The following BICC1 variants were observed in gnomAD, a reference collection of about 807,000 sequenced individuals.
The protein encoded by BICC1 is BicC family RNA binding protein 1, also known as protein bicaudal C homolog 1.
BICC1 carries 43 observed loss-of-function variants against 111.0 expected under a neutral mutation model. That is an observed-to-expected ratio of 0.39 (90% CI 0.30 to 0.50). The LOEUF is 0.50. Ranked by LOEUF, BICC1 falls within the 20% of genes least tolerant of loss-of-function variation. BICC1 has a pLI of 0.88. For synonymous variants in BICC1, 467 were observed against 434.4 expected, an observed-to-expected ratio of 1.07 and a Z score of -0.93; for missense variants, 1,091 against 1,203.2, an observed-to-expected ratio of 0.91 and a Z score of 1.38.
At chr10:58,806,429 A>T (rs1383551345) in intron 15 of BICC1, among the ~76,000 whole-genome samples, 155 bp from the exon 16 acceptor site, 3 of 152,164 alleles carry the variant, frequency 2.0e-5, no homozygotes, top group African/African-American at 7.2e-5. Flanking sequence ...ACTTACAGAC[A>T]TACCTTGGAT....
intron 3 of BICC1, among the ~76,000 whole-genome samples, chr10:58,731,013 C>G (rs1445209898): frequency 6.6e-6 from 1 of 152,196 alleles, no homozygotes; most frequent in Non-Finnish European, 1.5e-5. Context: ...TTATGTTGTG[C>G]TTCCCTTTTA....
At chr10:58,625,313 G>A (rs1451336028) in intron 2 of BICC1, among the ~76,000 whole-genome samples, 2 of 152,136 alleles carry the variant, frequency 1.3e-5, no homozygotes, top group Non-Finnish European at 2.9e-5. Flanking sequence ...TCTTGGAGGG[G>A]AAAATGGGTT....
intron 9 of BICC1, among the ~76,000 whole-genome samples, chr10:58,795,574 C>T (rs1034928291): frequency 2.0e-5 from 3 of 151,960 alleles, no homozygotes; most frequent in African/African-American, 7.3e-5. Context: ...CAGAGCCTTG[C>T]AGCATCCCAG....
intron 3 of BICC1, among the ~76,000 whole-genome samples, chr10:58,728,899 T>A (rs559827304): frequency 6.6e-4 from 101 of 152,278 alleles, no homozygotes; most frequent in African/African-American, 2.4e-3. Flanking sequence ...AGGAATCTTT[T>A]TTTTCTGAGC....
chr10:58,806,453 T>C (rs1489410219), intron 15 of BICC1, 131 bp from the exon 16 acceptor site: 2 of 744,764 alleles, frequency 2.7e-6, no homozygotes, highest in Non-Finnish European at 4.7e-6. Flanking sequence ...TGTGGCATTA[T>C]TGTGCAAAGC....
intron 3 of BICC1, among the ~76,000 whole-genome samples, chr10:58,742,539 G>A (rs1006644552): frequency 1.3e-5 from 2 of 148,460 alleles, no homozygotes; most frequent in Non-Finnish European, 3.0e-5. Context: ...TTGGGGTCAA[G>A]CAGCTCTCCT....
intron 3 of BICC1, among the ~76,000 whole-genome samples, chr10:58,744,185 C>A (rs756016450): frequency 6.6e-6 from 1 of 151,912 alleles, no homozygotes; most frequent in African/African-American, 2.4e-5. Context: ...ATGTTTTGTT[C>A]CCTTGAAACA....
chr10:58,719,512 C>CTTTTTTTTTTTTTTCTTT (rs61590839), intron 3 of BICC1, among the ~76,000 whole-genome samples: 67 of 146,902 alleles, frequency 4.6e-4, no homozygotes, highest in African/African-American at 1.5e-3. Flanking sequence ...GGGCACTTTT[C>CTTTTTTTTTTTTTTCTTT]TTTTTTTTTT....
intron 1 of BICC1, among the ~76,000 whole-genome samples, chr10:58,619,730 C>T (rs1397930306): frequency 6.6e-6 from 1 of 152,120 alleles, no homozygotes; most frequent in East Asian, 1.9e-4. Flanking sequence ...GCCTCGGCCT[C>T]CCAAGTTTTG....
At chr10:58,614,490 G>C (rs1160177012) in intron 1 of BICC1, among the ~76,000 whole-genome samples, 6 of 152,196 alleles carry the variant, frequency 3.9e-5, no homozygotes, top group Non-Finnish European at 8.8e-5. Flanking sequence ...TTTGCTGCCA[G>C]TGAATGTAAT....
intron 1 of BICC1, among the ~76,000 whole-genome samples, chr10:58,549,596 T>C (rs1364058231): frequency 6.6e-6 from 1 of 151,130 alleles, no homozygotes; most frequent in Non-Finnish European, 1.5e-5. Flanking sequence ...TGTATCTTCT[T>C]TGGTGAGGAG....
intron 3 of BICC1, among the ~76,000 whole-genome samples, chr10:58,732,423 A>AC (rs1841343866): frequency 3.2e-5 from 1 of 30,992 alleles, no homozygotes; most frequent in African/African-American, 1.1e-4. Flanking sequence ...ATATATATAT[A>AC]TATATATATA....
intron 2 of BICC1, among the ~76,000 whole-genome samples, chr10:58,673,253 T>G (rs1300238619): frequency 6.6e-6 from 1 of 152,216 alleles, no homozygotes; most frequent in Non-Finnish European, 1.5e-5. Context: ...ACATGTAGAG[T>G]GCAGTAGGTA....
chr10:58,651,602 C>G (rs947218988), intron 2 of BICC1, among the ~76,000 whole-genome samples: 1 of 152,098 alleles, frequency 6.6e-6, no homozygotes, highest in African/African-American at 2.4e-5. Context: ...TCCTGATTTT[C>G]CTTATGAGAT....
intron 1 of BICC1, among the ~76,000 whole-genome samples, chr10:58,583,946 G>T (rs997015614): frequency 2.0e-5 from 3 of 151,920 alleles, no homozygotes; most frequent in Non-Finnish European, 4.4e-5. Flanking sequence ...GGAATTATAG[G>T]CATGAGCCAC....
chr10:58,664,913 A>G (rs1588991624), intron 2 of BICC1, among the ~76,000 whole-genome samples: 1 of 152,028 alleles, frequency 6.6e-6, no homozygotes, highest in African/African-American at 2.4e-5. Context: ...CTTGAGTGCA[A>G]ACAGACTTCA....
intron 3 of BICC1, among the ~76,000 whole-genome samples, chr10:58,744,989 A>G (rs552349503): frequency 1.3e-5 from 2 of 152,280 alleles, no homozygotes; most frequent in Non-Finnish European, 2.9e-5. Context: ...CTACTTCTGC[A>G]GATTCAGTCA....
intron 1 of BICC1, among the ~76,000 whole-genome samples, chr10:58,601,105 GT>G (rs1845009297): frequency 7.4e-6 from 1 of 134,596 alleles, no homozygotes; most frequent in Non-Finnish European, 1.6e-5. Flanking sequence ...GGGTATTTAT[GT>G]GTGTACATAC....
In BICC1 at chr10:58,644,733, T is replaced by A. The variant is rs558172173; in HGVS notation, c.237+23832T>A. On this transcript the variant is annotated intron_variant, in intron 2 of 20. Transcript: ENST00000373886. ...CCAACGTTGTCAGGAAGGGCAAGCT[T>A]ATAAAAAGAAAAAAATAACCTTTCA... Among the ~76,000 whole-genome samples, 199 of 152,308 alleles carry A rather than the reference T, an allele frequency of 1.3e-3. 1 individual carries two copies. Among genetic ancestry groups the A allele is most frequent in the African/African-American group, 4.5e-3 (186 of 41,578 alleles).
Sources: gnomAD v4.1 joint callset for allele counts (sites outside exome capture counted in the v4.1 genomes callset) on GRCh38, gnomAD v4.1.1 for gene constraint, MANE v1.5 for transcripts, NCBI Gene and HGNC (gene_info 2026-07-23, HGNC 2026-07-21) for gene names.